The following KNTC1 variants were observed in gnomAD, a reference collection of about 807,000 sequenced individuals.
KNTC1 encodes kinetochore-associated protein 1.
KNTC1 carries 253 observed loss-of-function variants against 314.4 expected under a neutral mutation model. That is an observed-to-expected ratio of 0.80 (90% CI 0.73 to 0.89). The LOEUF is 0.89. KNTC1 is among the 40% of genes least tolerant of loss of function. The probability of loss-of-function intolerance (pLI) is 0.00; values close to 1 mark genes in which losing one functional copy is unlikely to be tolerated. For missense variants in KNTC1, 2,475 were observed against 2,572.9 expected (o/e 0.96, Z 0.82); for synonymous variants, 901 against 901.4 (o/e 1.00, Z 0.01).
At chr12:122,623,095 A>C (rs1874614700) in intron 62 of KNTC1, among the ~76,000 whole-genome samples, 1 of 152,208 alleles carries the variant, frequency 6.6e-6, no homozygotes. Context: ...TTGGAATATG[A>C]CCTTAGAATC....
At chr12:122,619,614 G>T (rs937736264) in intron 59 of KNTC1, among the ~76,000 whole-genome samples, 1 of 151,698 alleles carries the variant, frequency 6.6e-6, no homozygotes, top group African/African-American at 2.4e-5. Context: ...GGGTTTCTCC[G>T]TGTTAGCCAG....
At position 122,596,841 on chromosome 12, in the gene KNTC1, CAAA is replaced by C. The variant is rs1169059473; in HGVS notation, c.4356-889_4356-887del. Among the ~76,000 whole-genome samples, 3 of 151,746 alleles carry C rather than the reference CAAA, an allele frequency of 2.0e-5. No homozygotes were observed. In the East Asian group the frequency reaches 5.8e-4, roughly 29 times the overall value. ...TGGGGAACAGAATGAGACCCTGTCT[CAAA>C]GAAACAAAAAAAAATCCAATTTTTG... On this transcript the variant is annotated intron_variant, in intron 43 of 63. Coordinates refer to ENST00000333479, the MANE Select transcript of KNTC1 (RefSeq NM_014708.6).
intron 18 of KNTC1, among the ~76,000 whole-genome samples, chr12:122,561,334 A>G (rs544402743): frequency 6.6e-6 from 1 of 152,012 alleles, no homozygotes; most frequent in Admixed American, 6.5e-5. Context: ...AATAATAATA[A>G]TAATAAATAA....
chr12:122,548,476 C>T (rs900464310), intron 12 of KNTC1, among the ~76,000 whole-genome samples: 2 of 152,080 alleles, frequency 1.3e-5, no homozygotes, highest in African/African-American at 4.8e-5. Flanking sequence ...TCCCGTAGTG[C>T]TGGGATTACA....
chr12:122,617,514 G>A (rs926707303), intron 57 of KNTC1: 6 of 288,684 alleles, frequency 2.1e-5, no homozygotes, highest in African/African-American at 6.8e-5. Flanking sequence ...GTGAGCCACC[G>A]CGCCTGGCCA....
chr12:122,556,632 A>G (rs560323273), intron 16 of KNTC1, among the ~76,000 whole-genome samples: 53 of 151,068 alleles, frequency 3.5e-4, no homozygotes, highest in Non-Finnish European at 6.2e-4. Flanking sequence ...ACTAACATGC[A>G]CTGCTAAGTT....
In KNTC1 at chr12:122,624,614, G is replaced by T. The variant is rs745779007; in HGVS notation, c.6532G>T (p.Val2178Phe). ...ATTTTGTAGTTTAGATGAAGCTTCA[G>T]TCTTGATAACTGAATATTCAAAGCA... is the stretch of plus-strand genomic sequence containing the variant. ...ANDLSLDEASVLITEYSKHCG... is the reference protein window; with the variant it reads ...ANDLSLDEASFLITEYSKHCG... The change falls in exon 63 of 64, where the codon GTC becomes TTC. Residue 2178 changes from valine to phenylalanine, a missense_variant. Transcript: ENST00000333479. 4 of 1,612,658 alleles carry T rather than the reference G, an allele frequency of 2.5e-6. No homozygotes were observed. The African/African-American group carries it at 5.3e-5, about 22-fold the overall frequency.
intron 19 of KNTC1, among the ~76,000 whole-genome samples, 195 bp from the exon 20 acceptor site, chr12:122,562,437 TTTTGTG>T (rs757621717): frequency 9.2e-6 from 1 of 109,182 alleles, no homozygotes; most frequent in Non-Finnish European, 1.8e-5. Flanking sequence ...TTATCCCATG[TTTTGTG>T]TGTGTGTGTG....
At position 122,551,308 on chromosome 12, in the gene KNTC1, T is replaced by C; in HGVS notation, c.1087-11T>C. ...TATTGGAATTTTAATCATGTTTTTT[T>C]GTTATTGTAGGATACCATATACCTT... is the stretch of plus-strand genomic sequence containing the variant. On this transcript the variant is annotated splice_polypyrimidine_tract_variant and intron_variant, in intron 13 of 63. Coordinates refer to ENST00000333479, the MANE Select transcript of KNTC1 (RefSeq NM_014708.6). 6.6e-7 allele frequency: 1 copy of C among 1,509,834 alleles called. No individual in the cohort carries two copies. 93.5% of individuals were successfully genotyped at this position (1,509,834 alleles called of 1,614,324 possible).
intron 7 of KNTC1, 29 bp from the exon 8 acceptor site, chr12:122,544,130 A>G (rs770291297): frequency 3.4e-6 from 3 of 891,760 alleles, no homozygotes; most frequent in Non-Finnish European, 5.4e-6. Context: ...TGTATTATAT[A>G]TATGACGTTG....
At chr12:122,609,465 G>A (rs764330640) in intron 52 of KNTC1, 35 bp downstream of exon 52, 20 of 1,339,172 alleles carry the variant, frequency 1.5e-5, no homozygotes, top group East Asian at 1.4e-4. Flanking sequence ...CACCTATATC[G>A]TGATGCAAAA....
chr12:122,620,630 T>C (rs1874328362), intron 60 of KNTC1, 22 bp downstream of exon 60: 2 of 1,607,950 alleles, frequency 1.2e-6, no homozygotes, highest in African/African-American at 2.7e-5. Flanking sequence ...ATGATTCCTC[T>C]GGGCTGCCAA....
chr12:122,529,946 A>T, intron 1 of KNTC1, 45 bp from the exon 2 acceptor site: 2 of 1,109,648 alleles, frequency 1.8e-6, no homozygotes, highest in Admixed American at 3.0e-5. Context: ...TTGTTTTGTG[A>T]GTAAGCTTTA....
chr12:122,568,505 A>G (rs571435729), intron 21 of KNTC1, 133 bp downstream of exon 21: 1 of 717,300 alleles, frequency 1.4e-6, no homozygotes, highest in East Asian at 2.5e-5. Context: ...TTAAAATATG[A>G]CTTGCTTTTG....
In KNTC1 at chr12:122,576,646, A is replaced by G. The variant is rs566816238; in HGVS notation, c.2587-249A>G. On this transcript the variant is annotated intron_variant, in intron 29 of 63. Transcript: ENST00000333479. ...CAGTGAGCCGAGATTGCGCCACTGC[A>G]CTGTAGCCTGGCGACAGAGGGAGAC... Among the ~76,000 whole-genome samples, 11 of 152,242 alleles carry G rather than the reference A, an allele frequency of 7.2e-5. No homozygotes were observed. In the East Asian group the frequency reaches 1.9e-3, roughly 27 times the overall value.
intron 62 of KNTC1, among the ~76,000 whole-genome samples, chr12:122,623,737 G>C (rs561459365): frequency 6.6e-6 from 1 of 152,204 alleles, no homozygotes; most frequent in East Asian, 1.9e-4. Context: ...GAGGGGCCCA[G>C]GGGAAAAGCA....
intron 9 of KNTC1, 36 bp downstream of exon 9, chr12:122,546,305 T>A: frequency 8.1e-7 from 1 of 1,238,018 alleles, no homozygotes. Flanking sequence ...TAGACAATTA[T>A]TAGTGAGTTT....
At chr12:122,593,386 C>G (rs1010203380) in intron 42 of KNTC1, 1 of 152,372 alleles carries the variant, frequency 6.6e-6, no homozygotes, top group Admixed American at 6.6e-5. Context: ...GCCTCAGCCT[C>G]CCAAGTAGCT....
rs758051779 is a variant in KNTC1, at chr12:122,603,072, G to A, written c.4930G>A (p.Glu1644Lys). The A allele has an allele frequency of 9.5e-5, 154 of 1,612,646 alleles. No individual in the cohort carries two copies. Among genetic ancestry groups the A allele is most frequent in the Non-Finnish European group, 1.1e-4 (134 of 1,179,544 alleles). ...LYVSTAKHVFEKKLKPKLLKL... is the reference protein window; with the variant it reads ...LYVSTAKHVFKKKLKPKLLKL... ...CGTGTCTACAGCAAAACACGTTTTCGAAAAAAAACTGAAGCCAAAGCTCCT... is the reference window on the plus strand; with the variant it reads ...CGTGTCTACAGCAAAACACGTTTTCAAAAAAAAACTGAAGCCAAAGCTCCT... Residue 1644 changes from glutamate (E) to lysine (K), a missense_variant, in exon 48 of 64, where the codon GAA (glutamate) becomes AAA (lysine). Coordinates refer to ENST00000333479, the MANE Select transcript of KNTC1 (RefSeq NM_014708.6).
Sources: gnomAD v4.1 joint callset for allele counts (sites outside exome capture counted in the v4.1 genomes callset) on GRCh38, gnomAD v4.1.1 for gene constraint, MANE v1.5 for transcripts, NCBI Gene and HGNC (gene_info 2026-07-23, HGNC 2026-07-21) for gene names.